The following DOCK4 variants were observed in gnomAD, a reference collection of about 807,000 sequenced individuals.
The protein encoded by DOCK4 is dedicator of cytokinesis protein 4.
A neutral mutation model predicts 268.1 loss-of-function variants in DOCK4; 97 were observed. The ratio of observed to expected loss-of-function variants is 0.36; its 90% confidence interval spans 0.31 to 0.43. DOCK4 has a LOEUF of 0.43. DOCK4 is among the 20% of genes least tolerant of loss of function. The pLI is 1.00. For missense variants in DOCK4, 2,145 were observed against 2,455.7 expected, an observed-to-expected ratio of 0.87 and a Z score of 2.67; for synonymous variants, 954 against 887.2, an observed-to-expected ratio of 1.08 and a Z score of -1.34.
chr7:112,130,771 G>A (rs746363289), intron 1 of DOCK4, among the ~76,000 whole-genome samples: 3 of 152,148 alleles, frequency 2.0e-5, no homozygotes, highest in African/African-American at 4.8e-5. Flanking sequence ...AAATACAGAC[G>A]CGTCCTACCA....
intron 1 of DOCK4, among the ~76,000 whole-genome samples, chr7:112,114,173 T>C (rs569174793): frequency 1.3e-5 from 2 of 152,260 alleles, no homozygotes; most frequent in East Asian, 3.9e-4. Flanking sequence ...TCCTGCCTCC[T>C]TGAGCTATCC....
intron 28 of DOCK4, among the ~76,000 whole-genome samples, chr7:111,811,283 T>G (rs1801112324): frequency 6.6e-6 from 1 of 152,076 alleles, no homozygotes. Context: ...CAAAACAGAG[T>G]AAGAAGAAAG....
intron 39 of DOCK4, among the ~76,000 whole-genome samples, chr7:111,762,771 T>TTTTC (rs1797527394): frequency 8.3e-6 from 1 of 120,238 alleles, no homozygotes; most frequent in African/African-American, 3.3e-5. Flanking sequence ...TCTTTTTTTT[T>TTTTC]TTTTTTTTTT....
intron 3 of DOCK4, among the ~76,000 whole-genome samples, chr7:111,998,943 A>G (rs1800195533): frequency 6.6e-6 from 1 of 152,090 alleles, no homozygotes; most frequent in Non-Finnish European, 1.5e-5. Context: ...TACAAAAAAT[A>G]TCACTGCAAA....
chr7:112,112,713 A>T (rs1046917289), intron 1 of DOCK4, among the ~76,000 whole-genome samples: 1 of 152,096 alleles, frequency 6.6e-6, no homozygotes, highest in African/African-American at 2.4e-5. Flanking sequence ...GAGCCCAATA[A>T]GCCTCTTTTC....
Position 111,748,195 on chromosome 7 carries a change from C to T in DOCK4, c.4417-752G>A, listed in dbSNP as rs541160870. ...TCAAGTAATTCAGGACTACAATTAG[C>T]ATATTTAAATATTGGTTCATTCAGG... On this transcript the variant is annotated intron_variant, in intron 42 of 52. Coordinates refer to ENST00000428084, the MANE Select transcript of DOCK4 (RefSeq NM_001363540.2). Among the ~76,000 whole-genome samples the T allele has an allele frequency of 6.6e-5, 10 of 152,226 alleles. No homozygotes were observed. The South Asian group carries it at 2.1e-3, about 32-fold the overall frequency.
chr7:112,055,540 A>G (rs1205794228), intron 1 of DOCK4, among the ~76,000 whole-genome samples: 2 of 152,208 alleles, frequency 1.3e-5, no homozygotes, highest in African/African-American at 2.4e-5. Context: ...CCCCATCATC[A>G]TAAGCAGACA....
At chr7:112,127,317 A>T (rs1251302491) in intron 1 of DOCK4, among the ~76,000 whole-genome samples, 2 of 149,976 alleles carry the variant, frequency 1.3e-5, no homozygotes, top group Non-Finnish European at 3.0e-5. Flanking sequence ...AGGACAAAAA[A>T]CCAAACACCG....
In DOCK4 at chr7:111,972,674, T is replaced by C. The variant is rs151115142; in HGVS notation, c.701+4458A>G. Among the ~76,000 whole-genome samples, 352 of 151,964 alleles carry C rather than the reference T, an allele frequency of 2.3e-3. 5 individuals are homozygous for C. The highest frequency in any genetic ancestry group is 8.0e-3 in the African/African-American group (331 of 41,352). ...AGATTATGTAGACTACATTCTACCC[T>C]TTTTTACGTTTTTTAGCATTTATTA... On this transcript the variant is annotated intron_variant, in intron 8 of 52. Transcript: ENST00000428084.
chr7:111,728,513 C>T lies in DOCK4; in HGVS notation c.5689G>A (p.Gly1897Ser), dbSNP rs749137816. 3.1e-6 allele frequency: 5 copies of T among 1,613,466 alleles called. No homozygotes were observed. Among genetic ancestry groups the T allele is most frequent in the East Asian group, 2.2e-5 (1 of 44,886 alleles). Residue 1897 changes from glycine to serine, a missense_variant, in exon 53 of 53, where the codon GGC becomes AGC. Gly to Ser is a moderately conservative substitution (Grantham distance 56). Transcript: ENST00000428084. ...TCCTTGCGCACTGGCTCCTCCCCGC[C>T]GTAGCTCGGCACGGGCACCGGCACT... ...VPVPVPVPSYGGEEPVRKESK... is the reference protein window; with the variant it reads ...VPVPVPVPSYSGEEPVRKESK...
At chr7:111,984,724 G>A (rs1391608669) in intron 6 of DOCK4, among the ~76,000 whole-genome samples, 1 of 152,174 alleles carries the variant, frequency 6.6e-6, no homozygotes, top group Non-Finnish European at 1.5e-5. Context: ...TTCCACACTG[G>A]AGTGAATGGA....
chr7:111,947,236 A>G (rs1795689659), intron 8 of DOCK4, among the ~76,000 whole-genome samples: 2 of 152,236 alleles, frequency 1.3e-5, no homozygotes, highest in Admixed American at 6.5e-5. Flanking sequence ...TCAAATACAT[A>G]TAAGAGGAGA....
At chr7:112,026,119 C>A (rs973615619) in intron 1 of DOCK4, among the ~76,000 whole-genome samples, 1 of 152,240 alleles carries the variant, frequency 6.6e-6, no homozygotes, top group African/African-American at 2.4e-5. Flanking sequence ...CACTTGCACA[C>A]CTGTGCCCTA....
chr7:111,871,464 AG>A (rs1056615591), intron 20 of DOCK4, among the ~76,000 whole-genome samples: 1 of 152,244 alleles, frequency 6.6e-6, no homozygotes, highest in African/African-American at 2.4e-5. Context: ...ATCAAAGAGT[AG>A]ATCCCAATGA....
chr7:111,983,860 G>GCACACA (rs375791144), intron 7 of DOCK4, among the ~76,000 whole-genome samples: 2,482 of 128,872 alleles, frequency 0.019, 34 homozygotes, highest in Middle Eastern at 0.03. Flanking sequence ...GCGCGCGCGC[G>GCACACA]CGCACACACA....
At chr7:111,846,322 G>A (rs1804098800) in intron 24 of DOCK4, among the ~76,000 whole-genome samples, 1 of 152,222 alleles carries the variant, frequency 6.6e-6, no homozygotes, top group African/African-American at 2.4e-5. Flanking sequence ...AAGTGGAACA[G>A]GATATTCTCC....
At chr7:112,144,552 T>C (rs1815256724) in intron 1 of DOCK4, among the ~76,000 whole-genome samples, 1 of 152,206 alleles carries the variant, frequency 6.6e-6, no homozygotes, top group African/African-American at 2.4e-5. Flanking sequence ...AGCTCACAGC[T>C]GCAACCTAGG....
At chr7:111,777,737 TTCCC>T (rs1169002966) in intron 36 of DOCK4, among the ~76,000 whole-genome samples, 3 of 152,094 alleles carry the variant, frequency 2.0e-5, no homozygotes, top group Non-Finnish European at 4.4e-5. Flanking sequence ...GGGAGGGTCT[TTCCC>T]ATGCTGCTCT....
At chr7:111,753,098 T>G (rs1367797617) in intron 42 of DOCK4, among the ~76,000 whole-genome samples, 1 of 151,576 alleles carries the variant, frequency 6.6e-6, no homozygotes, top group Non-Finnish European at 1.5e-5. Flanking sequence ...CTTTTCAGAT[T>G]TTAGAAAGGC....
Sources: allele counts gnomAD v4.1 joint callset (sites outside exome capture counted in the v4.1 genomes callset), GRCh38; gene constraint gnomAD v4.1.1; transcripts MANE v1.5; gene names NCBI Gene and HGNC (gene_info 2026-07-23, HGNC 2026-07-21).